The following CDH12 variants were observed in gnomAD, a reference collection of about 807,000 sequenced individuals.
CDH12 encodes cadherin-12.
In CDH12, 41 loss-of-function variants were observed where a neutral mutation model predicts 74.1. That is an observed-to-expected ratio of 0.55 (90% CI 0.43 to 0.72). The LOEUF is 0.72. Among genes scored for constraint, CDH12 ranks in the 30% least tolerant of loss-of-function variants. CDH12 has a pLI of 0.00. For missense variants in CDH12, 945 were observed against 977.2 expected (o/e 0.97, Z 0.44); for synonymous variants, 399 against 355.0 (o/e 1.12, Z -1.39).
At chr5:22,764,935 G>A (rs1746421527) in intron 1 of CDH12, among the ~76,000 whole-genome samples, 1 of 151,928 alleles carries the variant, frequency 6.6e-6, no homozygotes, top group Non-Finnish European at 1.5e-5. Context: ...GTCCCAGAAG[G>A]AGGGATTAGC....
chr5:21,965,627 T>C (rs1167985409), intron 6 of CDH12, among the ~76,000 whole-genome samples: 1 of 151,948 alleles, frequency 6.6e-6, no homozygotes, highest in African/African-American at 2.4e-5. Context: ...AGTGTCAGTT[T>C]CTTGGTCGGG....
chr5:22,114,656 T>C lies in CDH12; in HGVS notation c.-186-35794A>G, dbSNP rs144054937. Among the ~76,000 whole-genome samples the C allele has an allele frequency of 8.3e-3, 1,257 of 152,338 alleles. 19 individuals are homozygous for C. Among genetic ancestry groups the C allele is most frequent in the African/African-American group, 0.029 (1,200 of 41,584 alleles). ...AGAATAAAGACTTCTTTTCTTCTTA[T>C]ATTGTTGCTTAATTTTTGGGGAAGA... On this transcript the variant is annotated intron_variant, in intron 4 of 14. Coordinates refer to ENST00000382254, the MANE Select transcript of CDH12 (RefSeq NM_004061.5).
intron 1 of CDH12, among the ~76,000 whole-genome samples, chr5:22,698,502 A>T (rs1742503466): frequency 6.6e-6 from 1 of 151,286 alleles, no homozygotes; most frequent in South Asian, 2.1e-4. Flanking sequence ...AGCTCGTTAA[A>T]GCCTGAAAGT....
chr5:21,754,617 CA>C (rs961081962), intron 14 of CDH12, among the ~76,000 whole-genome samples: 1 of 152,166 alleles, frequency 6.6e-6, no homozygotes, highest in African/African-American at 2.4e-5. Context: ...GTGCTCTCCA[CA>C]AGCTACCATA....
At chr5:22,346,681 G>C (rs997857933) in intron 3 of CDH12, among the ~76,000 whole-genome samples, 12 of 152,314 alleles carry the variant, frequency 7.9e-5, no homozygotes, top group Admixed American at 7.8e-4. Flanking sequence ...TCACTCCAGA[G>C]ACCCTTGACA....
At chr5:22,553,183 T>C (rs914832439) in intron 1 of CDH12, among the ~76,000 whole-genome samples, 1 of 152,120 alleles carries the variant, frequency 6.6e-6, no homozygotes, top group African/African-American at 2.4e-5. Context: ...ACTTTTAATG[T>C]TTTCTCCTGC....
At chr5:22,801,943 G>A (rs1355382339) in intron 1 of CDH12, among the ~76,000 whole-genome samples, 2 of 151,074 alleles carry the variant, frequency 1.3e-5, no homozygotes, top group African/African-American at 2.4e-5. Context: ...GTATTCTGAG[G>A]TTTCTATTAA....
chr5:22,253,309 A>G (rs1205668188), intron 3 of CDH12, among the ~76,000 whole-genome samples: 1 of 151,962 alleles, frequency 6.6e-6, no homozygotes, highest in Non-Finnish European at 1.5e-5. Flanking sequence ...ATCATGATTT[A>G]GCTTTAGCTT....
intron 9 of CDH12, among the ~76,000 whole-genome samples, chr5:21,803,188 T>C (rs929217072): frequency 5.3e-5 from 8 of 152,174 alleles, no homozygotes; most frequent in Non-Finnish European, 1.0e-4. Context: ...GAAAAAGTGG[T>C]CCCATGAAAA....
chr5:21,873,152 T>C (rs1467122629), intron 6 of CDH12, among the ~76,000 whole-genome samples: 2 of 152,080 alleles, frequency 1.3e-5, no homozygotes, highest in African/African-American at 4.8e-5. Flanking sequence ...GTGGCAATCC[T>C]CCAAAAATTA....
intron 3 of CDH12, among the ~76,000 whole-genome samples, chr5:22,315,423 A>C (rs1738590716): frequency 6.6e-6 from 1 of 152,138 alleles, no homozygotes. Flanking sequence ...TCTATAAATA[A>C]GAAACGAGAG....
chr5:22,074,824 T>G (rs377031715), intron 5 of CDH12, among the ~76,000 whole-genome samples: 78 of 151,608 alleles, frequency 5.1e-4, no homozygotes, highest in Middle Eastern at 6.8e-3. Context: ...GTGCTAGAGA[T>G]GATGTGGAGA....
intron 5 of CDH12, among the ~76,000 whole-genome samples, chr5:22,024,123 T>A (rs952891482): frequency 4.6e-5 from 7 of 152,118 alleles, no homozygotes; most frequent in Non-Finnish European, 1.0e-4. Context: ...TAATTAATAA[T>A]TGAGTTTTAG....
At chr5:21,836,374 A>G (rs1749536065) in intron 8 of CDH12, among the ~76,000 whole-genome samples, 1 of 151,566 alleles carries the variant, frequency 6.6e-6, no homozygotes, top group Non-Finnish European at 1.5e-5. Flanking sequence ...AAATTTTCTT[A>G]GAACGATTAT....
chr5:22,095,601 C>A lies in CDH12; in HGVS notation c.-186-16739G>T, dbSNP rs542757811. Among the ~76,000 whole-genome samples the A allele has an allele frequency of 2.6e-5, 4 of 151,758 alleles. No homozygotes were observed. In the East Asian group the frequency reaches 7.9e-4, roughly 30 times the overall value. On this transcript the variant is annotated intron_variant, in intron 4 of 14. Coordinates refer to ENST00000382254, the MANE Select transcript of CDH12 (RefSeq NM_004061.5). Reference sequence around the variant, plus strand: ...TCTCTGCTTTTCTGGGGGGCAAGAACCCCCCAATCCCTTCTCCTTCACCCT... The same window carrying A: ...TCTCTGCTTTTCTGGGGGGCAAGAAACCCCCAATCCCTTCTCCTTCACCCT...
At chr5:22,850,859 A>G (rs899394039) in intron 1 of CDH12, among the ~76,000 whole-genome samples, 1 of 152,116 alleles carries the variant, frequency 6.6e-6, no homozygotes, top group Non-Finnish European at 1.5e-5. Context: ...GAATCCTCCT[A>G]TCATGGCAAG....
chr5:22,006,030 G>A (rs1350136805), intron 5 of CDH12, among the ~76,000 whole-genome samples: 1 of 151,914 alleles, frequency 6.6e-6, no homozygotes, highest in Non-Finnish European at 1.5e-5. Flanking sequence ...ATTTTCTTTT[G>A]GAAACATATT....
chr5:22,327,437 T>C (rs1580527458), intron 3 of CDH12, among the ~76,000 whole-genome samples: 1 of 124,852 alleles, frequency 8.0e-6, no homozygotes, highest in African/African-American at 2.7e-5. Flanking sequence ...TCTGTGTGTG[T>C]GTGTGTGTGT....
chr5:22,572,247 A>G (rs1031918129), intron 1 of CDH12, among the ~76,000 whole-genome samples: 1 of 152,182 alleles, frequency 6.6e-6, no homozygotes, highest in Admixed American at 6.5e-5. Flanking sequence ...AATGTGAAGG[A>G]ATAAAAAGCC....
Sources: allele counts gnomAD v4.1 joint callset (sites outside exome capture counted in the v4.1 genomes callset), GRCh38; gene constraint gnomAD v4.1.1; transcripts MANE v1.5; gene names NCBI Gene and HGNC (gene_info 2026-07-23, HGNC 2026-07-21).